CLVS1: variants seen among roughly 807,000 people sequenced by gnomAD.
CLVS1 encodes clavesin 1, also known as clavesin-1.
CLVS1 carries 10 observed loss-of-function variants against 33.1 expected under a neutral mutation model. The ratio of observed to expected loss-of-function variants is 0.30; its 90% confidence interval spans 0.19 to 0.51. CLVS1 has a LOEUF of 0.51. Among genes scored for constraint, CLVS1 ranks in the 20% least tolerant of loss-of-function variants. The pLI is 0.97. For missense variants in CLVS1, 343 were observed against 433.4 expected, an observed-to-expected ratio of 0.79 and a Z score of 1.85; for synonymous variants, 163 against 166.1, an observed-to-expected ratio of 0.98 and a Z score of 0.14.
At position 61,499,949 on chromosome 8, in the gene CLVS1, A is replaced by C. The variant is rs1242008004; in HGVS notation, c.*407A>C. ...GTGCATTTCCAAGTAAATGTATCAG[A>C]GTTAAACTGTACAGACACCACTGTC... On this transcript the variant is annotated 3_prime_UTR_variant, in exon 6 of 6. Transcript: ENST00000325897. The C allele has an allele frequency of 1.1e-5, 2 of 175,350 alleles. No homozygotes were observed. Among genetic ancestry groups the C allele is most frequent in the Non-Finnish European group, 2.5e-5 (2 of 80,354 alleles). The allele number at this position is 175,350 out of a possible 1,614,324, so 10.9% of individuals were successfully genotyped here. A position where few individuals can be genotyped will look rare whatever the true frequency, so the allele number is the denominator to read the frequency against.
intron 1 of CLVS1, among the ~76,000 whole-genome samples, chr8:61,064,322 A>G (rs1441144284): frequency 1.3e-5 from 2 of 152,214 alleles, no homozygotes; most frequent in African/African-American, 4.8e-5. Flanking sequence ...ACGCTGCACC[A>G]TTTTATGCTT....
intron 1 of CLVS1, among the ~76,000 whole-genome samples, chr8:61,073,264 A>G (rs1804834307): frequency 6.6e-6 from 1 of 152,222 alleles, no homozygotes; most frequent in Non-Finnish European, 1.5e-5. Context: ...TGTTCTTACC[A>G]TAATTTCTTT....
chr8:61,175,743 C>T lies in CLVS1; in HGVS notation c.-152+43883C>T, dbSNP rs781690020. Among the ~76,000 whole-genome samples, 3 of 152,136 alleles carry T rather than the reference C, an allele frequency of 2.0e-5. No individual in the cohort carries two copies. In the South Asian group the frequency reaches 6.2e-4, roughly 32 times the overall value. ...CTAGGAGAAGTGAGAAAGTATGATC[C>T]CCTAGACCCTAAGAGGGAACATGGC... On this transcript the variant is annotated intron_variant, in intron 2 of 2. Coordinates refer to the CLVS1 transcript ENST00000522621.
chr8:61,029,546 G>A, the CLVS1 span, among the ~76,000 whole-genome samples: 2 of 151,998 alleles, frequency 1.3e-5, no homozygotes, highest in African/African-American at 4.8e-5. Flanking sequence ...CCTGCTAACA[G>A]GGAGCCCAGG....
intron 1 of CLVS1, among the ~76,000 whole-genome samples, chr8:61,295,317 A>G (rs570065581): frequency 2.6e-5 from 4 of 152,312 alleles, no homozygotes; most frequent in Admixed American, 6.5e-5. Flanking sequence ...ATGGCAATCA[A>G]TCCTTCAAAG....
intron 2 of CLVS1, among the ~76,000 whole-genome samples, chr8:61,224,930 G>A (rs1022103974): frequency 3.3e-5 from 5 of 152,286 alleles, no homozygotes; most frequent in South Asian, 2.1e-4. Context: ...AGTGCACCAC[G>A]AATTCTCTTT....
intron 2 of CLVS1, among the ~76,000 whole-genome samples, chr8:61,357,075 C>A (rs1185161530): frequency 6.6e-6 from 1 of 152,034 alleles, no homozygotes; most frequent in African/African-American, 2.4e-5. Flanking sequence ...TTGTTTGTGT[C>A]CTCTTTTATT....
the CLVS1 span, among the ~76,000 whole-genome samples, chr8:61,033,129 A>AGGAG: frequency 1.2e-5 from 1 of 86,182 alleles, no homozygotes; most frequent in Non-Finnish European, 2.7e-5. Context: ...GAAGAAAGGA[A>AGGAG]AGAAAGAAAG....
intron 2 of CLVS1, among the ~76,000 whole-genome samples, chr8:61,218,196 C>T (rs1808133267): frequency 6.6e-6 from 1 of 152,208 alleles, no homozygotes; most frequent in Admixed American, 6.5e-5. Flanking sequence ...GAGACATCTG[C>T]ACCTCCATGT....
At chr8:61,175,408 A>G (rs1807095120) in intron 2 of CLVS1, among the ~76,000 whole-genome samples, 1 of 152,182 alleles carries the variant, frequency 6.6e-6, no homozygotes, top group South Asian at 2.1e-4. Context: ...TTGACCTTGG[A>G]CTTCCCAGCC....
At chr8:61,111,639 T>C (rs1376313493) in intron 1 of CLVS1, among the ~76,000 whole-genome samples, 2 of 152,202 alleles carry the variant, frequency 1.3e-5, no homozygotes, top group Non-Finnish European at 2.9e-5. Flanking sequence ...AATGTGGGCC[T>C]CTTTCTGGTC....
At chr8:61,412,940 G>C (rs1815288723) in intron 3 of CLVS1, among the ~76,000 whole-genome samples, 2 of 152,152 alleles carry the variant, frequency 1.3e-5, no homozygotes, top group Admixed American at 1.3e-4. Flanking sequence ...GATTATACTA[G>C]TTTTTCCCCC....
At chr8:61,064,292 C>T (rs779698255) in intron 1 of CLVS1, among the ~76,000 whole-genome samples, 8 of 152,148 alleles carry the variant, frequency 5.3e-5, no homozygotes, top group Admixed American at 3.3e-4. Context: ...ACTTTTTGAG[C>T]AACAGACTGT....
intron 5 of CLVS1, among the ~76,000 whole-genome samples, chr8:61,486,185 A>T (rs16927353): frequency 0.021 from 3,225 of 152,282 alleles, 121 homozygotes; most frequent in African/African-American, 0.074. Context: ...ACAAGAACAC[A>T]GACAAGGAGC....
intron 2 of CLVS1, among the ~76,000 whole-genome samples, chr8:61,258,087 ATCTTC>A (rs1585728278): frequency 6.6e-6 from 1 of 152,190 alleles, no homozygotes; most frequent in East Asian, 1.9e-4. Flanking sequence ...GACCCAGCCA[ATCTTC>A]TCTTCTCTGC....
intron 3 of CLVS1, among the ~76,000 whole-genome samples, chr8:61,396,038 C>T (rs955058575): frequency 2.0e-5 from 3 of 152,134 alleles, no homozygotes; most frequent in South Asian, 2.1e-4. Flanking sequence ...AATGGAAACT[C>T]GGACTGAATT....
At chr8:61,142,131 T>C (rs1468237668) in intron 2 of CLVS1, among the ~76,000 whole-genome samples, 2 of 152,200 alleles carry the variant, frequency 1.3e-5, no homozygotes, top group Non-Finnish European at 2.9e-5. Context: ...TCATGTCAAA[T>C]TGTAATCTCA....
chr8:61,223,164 T>G (rs1461418450), intron 2 of CLVS1, among the ~76,000 whole-genome samples: 1 of 152,196 alleles, frequency 6.6e-6, no homozygotes, highest in Non-Finnish European at 1.5e-5. Context: ...ATTGGAGAAT[T>G]TAGCCCATTT....
intron 2 of CLVS1, among the ~76,000 whole-genome samples, chr8:61,182,281 C>T (rs2129300790): frequency 6.6e-6 from 1 of 152,238 alleles, no homozygotes; most frequent in South Asian, 2.1e-4. Flanking sequence ...GCAAAGATTT[C>T]ATGATGAAAA....
Sources: allele counts gnomAD v4.1 joint callset (sites outside exome capture counted in the v4.1 genomes callset), GRCh38; gene constraint gnomAD v4.1.1; transcripts MANE v1.5; gene names NCBI Gene and HGNC (gene_info 2026-07-23, HGNC 2026-07-21).